AAAS: variants seen among roughly 807,000 people sequenced by gnomAD.
AAAS encodes the protein aladin.
In AAAS, 60 loss-of-function variants were observed where a neutral mutation model predicts 75.6. The ratio of observed to expected loss-of-function variants is 0.79; its 90% CI spans 0.64 to 0.98. AAAS has a LOEUF of 0.98. Among genes scored for constraint, AAAS ranks in the 50% least tolerant of loss-of-function variants. The probability of loss-of-function intolerance (pLI) is 0.00; values close to 1 mark genes in which losing one functional copy is unlikely to be tolerated. For missense variants in AAAS, 658 were observed against 686.9 expected, an observed-to-expected ratio of 0.96 and a Z score of 0.47; for synonymous variants, 271 against 265.0, an observed-to-expected ratio of 1.02 and a Z score of -0.22.
At chr12:53,315,172 G>T in intron 4 of AAAS, 32 bp from the exon 5 acceptor site, 1 of 1,613,480 alleles carries the variant, frequency 6.2e-7, no homozygotes, top group South Asian at 1.1e-5. Flanking sequence ...AGGACACACT[G>T]GGGCAAAAGG....
chr12:53,320,546 A>AT lies in AAAS; in HGVS notation c.251+18_251+19insA, dbSNP rs762438079. The stretch of plus-strand genomic sequence containing the variant: ...GGATCTGCAGACTGTGACCCAGGAA[A>AT]CCCTTTGCCATGCCTCACCAAATGT... On this transcript the variant is annotated intron_variant, in intron 2 of 15. Transcript: ENST00000209873. The AT allele has an allele frequency of 1.1e-5, 18 of 1,613,026 alleles. No homozygotes were observed.
At chr12:53,316,858 T>A (rs1382714643) in intron 2 of AAAS, among the ~76,000 whole-genome samples, 1 of 150,288 alleles carries the variant, frequency 6.7e-6, no homozygotes, top group African/African-American at 2.5e-5. Context: ...GGCAGGTGGA[T>A]CGCCTGAGCT....
chr12:53,315,655 CG>C, intron 3 of AAAS, 71 bp downstream of exon 3: 1 of 1,552,796 alleles, frequency 6.4e-7, no homozygotes, highest in Middle Eastern at 1.7e-4. Context: ...CAACAGGTGT[CG>C]GGGGTGAGTT....
At chr12:53,319,363 T>C (rs957134307) in intron 2 of AAAS, among the ~76,000 whole-genome samples, 42 of 152,182 alleles carry the variant, frequency 2.8e-4, no homozygotes, top group Admixed American at 6.6e-5. Context: ...CTAATTTTTG[T>C]ACTTTTCTTG....
chr12:53,314,927 G>A (rs567833509), intron 5 of AAAS, 78 bp from the exon 6 acceptor site: 1 of 1,512,182 alleles, frequency 6.6e-7, no homozygotes, highest in African/African-American at 1.4e-5. Context: ...TTTCCAGTAA[G>A]GACATGGTTT....
chr12:53,314,594 A>G, intron 6 of AAAS, 153 bp from the exon 7 acceptor site: 1 of 1,335,482 alleles, frequency 7.5e-7, no homozygotes, highest in African/African-American at 1.4e-5. Context: ...GGTTAGGTCT[A>G]GAAGAAGCAC....
intron 13 of AAAS, 69 bp from the exon 14 acceptor site, chr12:53,308,202 G>A (rs1357689115): frequency 1.9e-6 from 3 of 1,611,042 alleles, no homozygotes; most frequent in South Asian, 1.1e-5. Flanking sequence ...GGGCAGAGGA[G>A]AACTCCAGGC....
In AAAS at chr12:53,320,660, C is replaced by A. The variant is rs1278984090; in HGVS notation, c.156G>T (p.Lys52Asn). Residue 52 changes from lysine (K) to asparagine (N), a missense_variant, in exon 2 of 16, where the codon AAG becomes AAT. By Grantham distance (94) the Lys-to-Asn change is moderately conservative (BLOSUM62 0). Transcript: ENST00000209873. ...GCCTTCCAGGGGTCTTTAGGGGATC[C>A]TTTGTCAGTTGTAGGACAGGAAGAT... is the stretch of plus-strand genomic sequence containing the variant. ...WINLPVLQLT[K>N]DPLKTPGRLD... 2 of 1,614,116 alleles carry A rather than the reference C, an allele frequency of 1.2e-6. No individual in the cohort carries two copies. Among genetic ancestry groups the A allele is most frequent in the Admixed American group, 3.3e-5 (2 of 60,028 alleles).
At position 53,308,940 on chromosome 12, in the gene AAAS, G is replaced by GA. The variant is rs755685527; in HGVS notation, c.996+19dup. On this transcript the variant is annotated intron_variant, in intron 10 of 15. Coordinates refer to ENST00000209873, the MANE Select transcript of AAAS (RefSeq NM_015665.6). ...GAATCATCTCCTCCCCAGTGTCTGT[G>GA]AATCAGAGTCCCCTCTTACCTGACA... The GA allele has an allele frequency of 1.9e-6, 3 of 1,614,178 alleles. No homozygotes were observed. The African/African-American group carries it at 4.0e-5, about 22-fold the overall frequency.
rs187804879 is a variant in AAAS, at chr12:53,311,382, C to T, written c.690-1661G>A. ...TTCAAGTGAATTCTCCTGCCTCAGC[C>T]TCCTGAGTAGCTGGGATTATAGGCG... On this transcript the variant is annotated intron_variant, in intron 7 of 15. Coordinates refer to ENST00000209873, the MANE Select transcript of AAAS (RefSeq NM_015665.6). Among the ~76,000 whole-genome samples, 430 of 152,332 alleles carry T rather than the reference C, an allele frequency of 2.8e-3. 1 individual carries two copies. Among genetic ancestry groups the T allele is most frequent in the Middle Eastern group, 0.024 (7 of 294 alleles).
intron 1 of AAAS, 91 bp from the exon 2 acceptor site, chr12:53,320,783 T>C (rs1944541571): frequency 1.4e-6 from 2 of 1,454,458 alleles, no homozygotes; most frequent in Admixed American, 1.8e-5. Context: ...CTGGGCTAAG[T>C]ATAAGAGATT....
At chr12:53,314,931 A>G (rs1440695453) in intron 5 of AAAS, 82 bp from the exon 6 acceptor site, 2 of 1,506,854 alleles carry the variant, frequency 1.3e-6, no homozygotes, top group South Asian at 1.2e-5. Flanking sequence ...CAGTAAGGAC[A>G]TGGTTTTTTC....
chr12:53,311,450 CA>C (rs987207281), intron 7 of AAAS, among the ~76,000 whole-genome samples: 8 of 151,690 alleles, frequency 5.3e-5, no homozygotes, highest in Non-Finnish European at 1.0e-4. Context: ...TTAGTAGAAA[CA>C]AAAAAAACCA....
rs895575737 is a variant in AAAS, at chr12:53,310,119, T to C, written c.690-398A>G. ...CCATCCATCTATCCAGGATTAATAATCTATGACATTACTTCAAGGTTCCAA... is the reference window on the plus strand; with the variant it reads ...CCATCCATCTATCCAGGATTAATAACCTATGACATTACTTCAAGGTTCCAA... On this transcript the variant is annotated intron_variant, in intron 7 of 15. Transcript: ENST00000209873. Among the ~76,000 whole-genome samples the C allele has an allele frequency of 3.1e-4, 47 of 152,290 alleles. 1 individual carries two copies. Among genetic ancestry groups the C allele is most frequent in the African/African-American group, 1.1e-3 (46 of 41,548 alleles).
Position 53,321,592 on chromosome 12 carries a change from G to C in AAAS, c.-127C>G. ...GGGTACCGCAAGGGACAAACGGCGA[G>C]GCGGAACTCAACGGAAGTGAAGAAA... is the stretch of plus-strand genomic sequence containing the variant. On this transcript the variant is annotated 5_prime_UTR_variant, in exon 1 of 16. Coordinates refer to ENST00000209873, the MANE Select transcript of AAAS (RefSeq NM_015665.6). 1 of 1,522,374 alleles carries C rather than the reference G, an allele frequency of 6.6e-7. No homozygotes were observed. Among genetic ancestry groups the C allele is most frequent in the African/African-American group, 1.4e-5 (1 of 73,384 alleles). The allele number at this position is 1,522,374 out of a possible 1,614,324, so 94.3% of individuals were successfully genotyped here.
chr12:53,320,753 G>C (rs2136821375), intron 1 of AAAS, 61 bp from the exon 2 acceptor site: 3 of 1,595,324 alleles, frequency 1.9e-6, no homozygotes, highest in Middle Eastern at 3.4e-4. Flanking sequence ...CTTTAATTCC[G>C]TGCCATCTCC....
Position 53,314,424 on chromosome 12 carries a change from A to G in AAAS, c.563T>C (p.Leu188Pro). ...YNASSTIVPS[L>P]KHRLQRNVAS... ...CACATTTCGCTGCAGCCGGTGCTTC[A>G]GGGAGGGGACTATGGTGCTAGGGTG... Residue 188 changes from leucine (L) to proline (P), a missense_variant, in exon 7 of 16, where the codon CTG (leucine) becomes CCG (proline). Leu to Pro is a moderately conservative substitution (Grantham distance 98). Transcript: ENST00000209873. 1 of 1,614,114 alleles carries G rather than the reference A, an allele frequency of 6.2e-7. No individual in the cohort carries two copies. The highest frequency in any genetic ancestry group is 8.5e-7 in the Non-Finnish European group (1 of 1,180,018).
intron 7 of AAAS, among the ~76,000 whole-genome samples, chr12:53,311,953 T>C (rs1447213421): frequency 6.6e-6 from 1 of 151,952 alleles, no homozygotes; most frequent in Non-Finnish European, 1.5e-5. Context: ...GTTTTTTTCT[T>C]ATAGTACCTA....
rs893832259 is a variant in AAAS, at chr12:53,318,280, G to A, written c.251+2285C>T. 9.0e-5 allele frequency among the ~76,000 whole-genome samples: 13 copies of A among 143,880 alleles called. No individual in the cohort carries two copies. In the East Asian group the frequency reaches 1.1e-3, roughly 12 times the overall value. 94.4% of individuals were successfully genotyped at this position (143,880 alleles called of 152,430 possible). A position where few individuals can be genotyped will look rare whatever the true frequency, so the allele number is the denominator to read the frequency against. ...TGTGTGTGTGTGTGTGTGTTAAGAC[G>A]GAGTCTCACTCTGTCACCCAGGCTG... On this transcript the variant is annotated intron_variant, in intron 2 of 15. Transcript: ENST00000209873.
Sources: allele counts gnomAD v4.1 joint callset (sites outside exome capture counted in the v4.1 genomes callset), GRCh38; gene constraint gnomAD v4.1.1; transcripts MANE v1.5; gene names NCBI Gene and HGNC (gene_info 2026-07-23, HGNC 2026-07-21).